SAE1: variants seen among roughly 807,000 people sequenced by gnomAD.
SAE1 encodes the protein SUMO1 activating enzyme subunit 1, also known as SUMO-activating enzyme subunit 1.
A neutral mutation model predicts 40.6 loss-of-function variants in SAE1; 11 were observed. That is an observed-to-expected ratio of 0.27 (90% CI 0.17 to 0.45). SAE1 has a LOEUF of 0.45. Among genes scored for constraint, SAE1 ranks in the 20% least tolerant of loss-of-function variants. SAE1 has a pLI of 1.00. For synonymous variants in SAE1, 155 were observed against 154.3 expected, an observed-to-expected ratio of 1.00 and a Z score of -0.03; for missense variants, 373 against 427.3, an observed-to-expected ratio of 0.87 and a Z score of 1.12.
chr19:47,199,150 G>C (rs1287675189), intron 7 of SAE1, among the ~76,000 whole-genome samples: 3 of 152,004 alleles, frequency 2.0e-5, no homozygotes, highest in African/African-American at 7.2e-5. Context: ...ACTTTGGGAG[G>C]CCGAGACAGG....
chr19:47,138,840 C>T (rs906943974), intron 1 of SAE1, among the ~76,000 whole-genome samples: 1 of 152,052 alleles, frequency 6.6e-6, no homozygotes, highest in African/African-American at 2.4e-5. Flanking sequence ...GCAACACAGA[C>T]CCCATCTTAA....
chr19:47,153,852 C>T (rs1253053119), intron 4 of SAE1, among the ~76,000 whole-genome samples: 1 of 151,980 alleles, frequency 6.6e-6, no homozygotes, highest in Non-Finnish European at 1.5e-5. Flanking sequence ...AGTGCAATGG[C>T]ACCATCTCAG....
At chr19:47,200,004 C>G (rs2058642581) in intron 7 of SAE1, among the ~76,000 whole-genome samples, 1 of 151,686 alleles carries the variant, frequency 6.6e-6, no homozygotes, top group Non-Finnish European at 1.5e-5. Flanking sequence ...GATCTTGGCT[C>G]ACTGCAAGTT....
intron 6 of SAE1, among the ~76,000 whole-genome samples, chr19:47,173,427 A>G (rs1399633495): frequency 1.3e-5 from 2 of 152,124 alleles, no homozygotes; most frequent in Non-Finnish European, 2.9e-5. Context: ...TAGCACCTGC[A>G]CTGAATATTC....
At chr19:47,180,249 A>G (rs2123275456) in intron 6 of SAE1, 1 of 456,256 alleles carries the variant, frequency 2.2e-6, no homozygotes, top group Non-Finnish European at 4.4e-6. Context: ...CTAAAGAGAA[A>G]CCAGGGTTCC....
chr19:47,199,697 G>T (rs1177196566), intron 7 of SAE1, among the ~76,000 whole-genome samples: 1 of 152,130 alleles, frequency 6.6e-6, no homozygotes, highest in African/African-American at 2.4e-5. Flanking sequence ...CTTGCCACTG[G>T]CTGACTGGCT....
chr19:47,160,560 A>G (rs1413159934), intron 5 of SAE1, among the ~76,000 whole-genome samples: 3 of 151,556 alleles, frequency 2.0e-5, no homozygotes, highest in Admixed American at 6.6e-5. Flanking sequence ...ATGCCCGACT[A>G]ATTTTTTTGT....
At position 47,152,763 on chromosome 19, in the gene SAE1, A is replaced by G. The variant is rs2058295303; in HGVS notation, c.385-135A>G. 14 of 758,872 alleles carry G rather than the reference A, an allele frequency of 1.8e-5. No homozygotes were observed. The Admixed American group carries it at 4.0e-4, about 22-fold the overall frequency. 47.0% of individuals were successfully genotyped at this position (758,872 alleles called of 1,614,324 possible). A position where few individuals can be genotyped will look rare whatever the true frequency, so the allele number is the denominator to read the frequency against. ...TTTTGTCTTCTAGCCATAGGGCCCA[A>G]AGAACCTGTTGTACCAGTTTGAAAC... On this transcript the variant is annotated intron_variant, in intron 3 of 8. Transcript: ENST00000270225.
At chr19:47,178,871 A>G (rs1202421995) in intron 6 of SAE1, among the ~76,000 whole-genome samples, 2 of 152,176 alleles carry the variant, frequency 1.3e-5, no homozygotes, top group East Asian at 3.8e-4. Flanking sequence ...GCTGTTCAAT[A>G]TAGTATTTTG....
intron 6 of SAE1, among the ~76,000 whole-genome samples, chr19:47,184,799 TTTTG>T (rs1321720874): frequency 1.0e-4 from 7 of 67,606 alleles, no homozygotes; most frequent in Non-Finnish European, 1.5e-4. Flanking sequence ...TTTGTTTTGT[TTTTG>T]TTTTGTTTTG....
At chr19:47,199,476 A>G (rs985734775) in intron 7 of SAE1, among the ~76,000 whole-genome samples, 1 of 151,724 alleles carries the variant, frequency 6.6e-6, no homozygotes, top group Non-Finnish European at 1.5e-5. Context: ...CGGTTTCCCC[A>G]AAGAGGGTGG....
At chr19:47,141,527 C>T (rs2058222075) in intron 1 of SAE1, among the ~76,000 whole-genome samples, 1 of 152,026 alleles carries the variant, frequency 6.6e-6, no homozygotes, top group African/African-American at 2.4e-5. Flanking sequence ...TTGTCAGGGA[C>T]TTTTTATATG....
chr19:47,169,687 A>G, intron 5 of SAE1, 131 bp from the exon 6 acceptor site: 1 of 695,970 alleles, frequency 1.4e-6, no homozygotes. Flanking sequence ...CTTGGATCAA[A>G]TGGCCCCTGC....
intron 5 of SAE1, among the ~76,000 whole-genome samples, chr19:47,160,146 A>T (rs2058349900): frequency 6.6e-6 from 1 of 151,948 alleles, no homozygotes; most frequent in African/African-American, 2.4e-5. Context: ...TTGCCCAGAA[A>T]TATTTAGAAG....
intron 1 of SAE1, among the ~76,000 whole-genome samples, chr19:47,139,622 C>G (rs2058205597): frequency 7.0e-6 from 1 of 142,724 alleles, no homozygotes. Flanking sequence ...GAGTCTCACT[C>G]TTGTCACCCA....
At chr19:47,180,827 G>T (rs12611339) in intron 6 of SAE1, among the ~76,000 whole-genome samples, 1 of 152,062 alleles carries the variant, frequency 6.6e-6, no homozygotes, top group African/African-American at 2.4e-5. Flanking sequence ...CCCCGAAAAA[G>T]AAGATGCTTT....
chr19:47,189,573 CA>C (rs757452746), intron 6 of SAE1, among the ~76,000 whole-genome samples: 1 of 151,596 alleles, frequency 6.6e-6, no homozygotes, highest in Non-Finnish European at 1.5e-5. Context: ...AACGAACAAA[CA>C]AAAAAAACAA....
At chr19:47,143,224 G>A (rs924207588) in intron 1 of SAE1, among the ~76,000 whole-genome samples, 12 of 151,984 alleles carry the variant, frequency 7.9e-5, no homozygotes, top group African/African-American at 2.9e-4. Flanking sequence ...TCCTGCCTCA[G>A]CCTCCCAAGT....
At chr19:47,164,433 C>G (rs896367396) in intron 5 of SAE1, among the ~76,000 whole-genome samples, 1 of 151,916 alleles carries the variant, frequency 6.6e-6, no homozygotes, top group African/African-American at 2.4e-5. Flanking sequence ...TCCCAAAGTG[C>G]TGGGATTACA....
Sources: gnomAD v4.1 joint callset for allele counts (sites outside exome capture counted in the v4.1 genomes callset) on GRCh38, gnomAD v4.1.1 for gene constraint, MANE v1.5 for transcripts, NCBI Gene and HGNC (gene_info 2026-07-23, HGNC 2026-07-21) for gene names.